YTHDC2: variants seen among roughly 807,000 people sequenced by gnomAD.
YTHDC2 encodes the protein YTH N6-methyladenosine RNA binding protein C2, also known as 3'-5' RNA helicase YTHDC2.
A neutral mutation model predicts 174.9 loss-of-function variants in YTHDC2; 45 were observed. The observed-to-expected ratio is 0.26, with a 90% confidence interval of 0.20 to 0.33. YTHDC2 has a LOEUF of 0.33. YTHDC2 is among the 10% of genes least tolerant of loss of function. The pLI, the probability that YTHDC2 is intolerant of heterozygous loss-of-function variation, is 1.00. For synonymous variants in YTHDC2, 657 were observed against 574.5 expected (o/e 1.14, Z -2.05); for missense variants, 1,650 against 1,723.7 (o/e 0.96, Z 0.76).
intron 17 of YTHDC2, 169 bp downstream of exon 17, chr5:113,556,303 G>A (rs2162842): frequency 0.24 from 103,007 of 426,460 alleles, 16,128 homozygotes; most frequent in African/African-American, 0.56. Context: ...CTTAAAAGTT[G>A]AATGTAGGTT....
chr5:113,581,784 G>C (rs2112793758), intron 25 of YTHDC2, 75 bp downstream of exon 25: 1 of 1,219,710 alleles, frequency 8.2e-7, no homozygotes, highest in East Asian at 2.9e-5. Flanking sequence ...AGAATCATGT[G>C]CTTTTATAAT....
At chr5:113,525,300 G>C in intron 3 of YTHDC2, 123 bp downstream of exon 3, 1 of 885,034 alleles carries the variant, frequency 1.1e-6, no homozygotes. Context: ...TAGTTTGTTA[G>C]AAATGATTAA....
intron 23 of YTHDC2, among the ~76,000 whole-genome samples, chr5:113,573,196 G>A (rs1297048314): frequency 6.6e-6 from 1 of 152,176 alleles, no homozygotes; most frequent in Non-Finnish European, 1.5e-5. Flanking sequence ...TTGCTTGTCT[G>A]AAAAGGATCT....
Position 113,553,311 on chromosome 5 carries a change from G to C in YTHDC2, c.1819G>C (p.Asp607His). The change falls in exon 13 of 30, where the codon GAT becomes CAT. Residue 607 changes from aspartate (D) to histidine (H), a missense_variant. Coordinates refer to ENST00000161863, the MANE Select transcript of YTHDC2 (RefSeq NM_022828.5). The stretch of plus-strand genomic sequence containing the variant: ...TTTCGATGATGAAAAAGTAGACTTG[G>C]ATTTGATCATGCATCTTCTATACAA... ...HSFDDEKVDL[D>H]LIMHLLYNIC... is the part of the protein sequence containing the mutation. The C allele has an allele frequency of 6.2e-7, 1 of 1,611,754 alleles. No homozygotes were observed. Among genetic ancestry groups the C allele is most frequent in the East Asian group, 2.2e-5 (1 of 44,788 alleles).
intron 17 of YTHDC2, among the ~76,000 whole-genome samples, chr5:113,558,038 A>T (rs1383873519): frequency 1.3e-5 from 2 of 152,082 alleles, no homozygotes; most frequent in African/African-American, 4.8e-5. Context: ...CTACAACTGG[A>T]TGTTTCCAGA....
chr5:113,551,589 C>A (rs1776255107), intron 12 of YTHDC2, among the ~76,000 whole-genome samples: 1 of 152,050 alleles, frequency 6.6e-6, no homozygotes, highest in Admixed American at 6.6e-5. Context: ...GGGAACATCA[C>A]ACACCAGGGC....
intron 23 of YTHDC2, among the ~76,000 whole-genome samples, chr5:113,569,503 C>T (rs1487153580): frequency 2.0e-5 from 3 of 152,098 alleles, no homozygotes; most frequent in Non-Finnish European, 2.9e-5. Context: ...TTTAATCCAT[C>T]TTGAGTTAAT....
intron 17 of YTHDC2, among the ~76,000 whole-genome samples, chr5:113,557,946 G>GTTTAA (rs1425328593): frequency 1.3e-5 from 2 of 152,218 alleles, no homozygotes; most frequent in Non-Finnish European, 2.9e-5. Context: ...TAGCCTGATA[G>GTTTAA]GTAAAGCTGG....
chr5:113,553,318 T>C lies in YTHDC2; in HGVS notation c.1826T>C (p.Ile609Thr), dbSNP rs769954592. The part of the protein sequence containing the change: ...FDDEKVDLDL[I>T]MHLLYNICHS... ...GATGAAAAAGTAGACTTGGATTTGA[T>C]CATGCATCTTCTATACAATATCTGC... is the stretch of plus-strand genomic sequence containing the variant. Residue 609 changes from isoleucine (I) to threonine (T), a missense_variant, in exon 13 of 30, where the codon ATC becomes ACC. Ile to Thr is a moderately conservative substitution (Grantham distance 89, BLOSUM62 -1). This residue lies in a region of YTHDC2 where 411 missense variants were observed against 380.6 expected (regional missense o/e 1.08). Coordinates refer to ENST00000161863, the MANE Select transcript of YTHDC2 (RefSeq NM_022828.5). 3.7e-6 allele frequency: 6 copies of C among 1,610,208 alleles called. No homozygotes were observed. The South Asian group carries it at 4.4e-5, about 12-fold the overall frequency.
intron 12 of YTHDC2, among the ~76,000 whole-genome samples, chr5:113,550,763 A>G (rs186541049): frequency 2.0e-5 from 3 of 152,274 alleles, no homozygotes; most frequent in Admixed American, 6.5e-5. Context: ...CACTATGTAT[A>G]TGTATTGCTT....
chr5:113,572,653 A>G (rs1055479721), intron 23 of YTHDC2, among the ~76,000 whole-genome samples: 15 of 152,216 alleles, frequency 9.9e-5, no homozygotes, highest in African/African-American at 3.6e-4. Flanking sequence ...GTGCTCCTGT[A>G]TTAGCTTGCA....
At chr5:113,517,113 AATCTACCTAATAAAAT>A (rs1580463093) in intron 2 of YTHDC2, among the ~76,000 whole-genome samples, 1 of 152,220 alleles carries the variant, frequency 6.6e-6, no homozygotes, top group East Asian at 1.9e-4. Flanking sequence ...TATGTTGTAT[AATCTACCTAATAAAAT>A]ATGGCCATCA....
chr5:113,562,262 TTGTGGGTGTG>T (rs940693836), intron 18 of YTHDC2, among the ~76,000 whole-genome samples: 6 of 136,154 alleles, frequency 4.4e-5, no homozygotes, highest in African/African-American at 1.1e-4. Flanking sequence ...CCTGTATTAA[TTGTGGGTGTG>T]TGTGGGTGTG....
At chr5:113,521,814 C>T (rs1193795072) in intron 2 of YTHDC2, among the ~76,000 whole-genome samples, 2 of 103,508 alleles carry the variant, frequency 1.9e-5, no homozygotes, top group African/African-American at 3.9e-5. Context: ...AAGCAAGACT[C>T]TGTCTCAAAA....
At position 113,539,174 on chromosome 5, in the gene YTHDC2, A is replaced by G; in HGVS notation, c.1203A>G (p.Lys401=). 7.5e-7 allele frequency: 1 copy of G among 1,333,682 alleles called. No individual in the cohort carries two copies. 82.6% of individuals were successfully genotyped at this position (1,333,682 alleles called of 1,614,324 possible). Residue 401 remains lysine (K), a synonymous_variant, in exon 8 of 30, where the codon AAA becomes AAG. Coordinates refer to ENST00000161863, the MANE Select transcript of YTHDC2 (RefSeq NM_022828.5). ...AAATGTTAAAATATAAAAAGGAAAA[A>G]CAGCAAGGTAAATTTTTTAATAAAA... ...NKEMLKYKKE[K]QQEEKQQTTL... is the part of the protein sequence containing the mutation.
chr5:113,520,120 A>G (rs1389882595), intron 2 of YTHDC2, among the ~76,000 whole-genome samples: 1 of 151,990 alleles, frequency 6.6e-6, no homozygotes, highest in Admixed American at 6.5e-5. Flanking sequence ...CTCATTTTTC[A>G]ACTGCCAGTT....
At chr5:113,536,650 G>A (rs1775097258) in intron 7 of YTHDC2, among the ~76,000 whole-genome samples, 1 of 152,036 alleles carries the variant, frequency 6.6e-6, no homozygotes, top group African/African-American at 2.4e-5. Flanking sequence ...CTGATTTATG[G>A]ATGTTAACAG....
chr5:113,530,858 C>A (rs1367430099), intron 4 of YTHDC2, among the ~76,000 whole-genome samples: 1 of 151,940 alleles, frequency 6.6e-6, no homozygotes, highest in Non-Finnish European at 1.5e-5. Flanking sequence ...ACATTTCTTG[C>A]AAGGCTGTAG....
chr5:113,533,269 G>A (rs148326832), intron 5 of YTHDC2, among the ~76,000 whole-genome samples: 93 of 152,228 alleles, frequency 6.1e-4, no homozygotes, highest in Middle Eastern at 3.4e-3. Context: ...CAGGCGGGAC[G>A]CGGTGGCTCA....
Sources: gnomAD v4.1 joint callset for allele counts (sites outside exome capture counted in the v4.1 genomes callset) on GRCh38, gnomAD v4.1.1 for gene constraint, gnomAD v4.1.1 regional missense constraint, MANE v1.5 for transcripts, NCBI Gene and HGNC (gene_info 2026-07-23, HGNC 2026-07-21) for gene names.